Variants in GABRB3 observed in about 807,000 individuals in gnomAD.
GABRB3 encodes gamma-aminobutyric acid type A receptor subunit beta3.
Under a neutral mutation model 52.1 loss-of-function variants are expected in GABRB3, and 14 were observed. The ratio of observed to expected loss-of-function variants is 0.27; its 90% CI spans 0.18 to 0.42. The LOEUF (loss-of-function observed/expected upper bound fraction) is 0.42. Among genes scored for constraint, GABRB3 ranks in the 10% least tolerant of loss-of-function variants. GABRB3 has a pLI of 1.00. For missense variants in GABRB3, 307 were observed against 609.1 expected (o/e 0.50, Z 5.22); for synonymous variants, 260 against 232.3 (o/e 1.12, Z -1.08).
chr15:26,745,807 G>A (rs372180227), intron 3 of GABRB3, among the ~76,000 whole-genome samples: 8 of 152,204 alleles, frequency 5.3e-5, no homozygotes, highest in African/African-American at 1.9e-4. Context: ...TTCTGTTGCT[G>A]AATAGAATTC....
chr15:26,591,638 G>A (rs942726369), intron 4 of GABRB3, among the ~76,000 whole-genome samples: 1 of 152,148 alleles, frequency 6.6e-6, no homozygotes. Context: ...AAGTTCTTAA[G>A]GACTACACCG....
intron 3 of GABRB3, among the ~76,000 whole-genome samples, chr15:26,638,310 GTC>G (rs1893108786): frequency 6.6e-6 from 1 of 152,144 alleles, no homozygotes; most frequent in African/African-American, 2.4e-5. Context: ...TGTCTGCCCA[GTC>G]TCTGTGATAC....
chr15:26,662,769 A>T (rs142326501), intron 3 of GABRB3, among the ~76,000 whole-genome samples: 49 of 152,340 alleles, frequency 3.2e-4, no homozygotes, highest in Non-Finnish European at 6.8e-4. Context: ...AGGAAGACAC[A>T]GTCACATGAG....
In GABRB3 at chr15:26,649,658, C is replaced by CTGTGTGTGTGTGTGTGTGTG. The variant is rs57833685; in HGVS notation, c.241-28144_241-28125dup. Among the ~76,000 whole-genome samples, 366 of 130,164 alleles carry CTGTGTGTGTGTGTGTGTGTG rather than the reference C, an allele frequency of 2.8e-3. 3 individuals are homozygous for CTGTGTGTGTGTGTGTGTGTG. Among genetic ancestry groups the CTGTGTGTGTGTGTGTGTGTG allele is most frequent in the African/African-American group, 9.4e-3 (309 of 33,002 alleles). The allele number at this position is 130,164 out of a possible 152,430, so 85.4% of individuals were successfully genotyped here. A position where few individuals can be genotyped will look rare whatever the true frequency, so the allele number is the denominator to read the frequency against. On this transcript the variant is annotated intron_variant, in intron 3 of 8. Coordinates refer to ENST00000311550, the MANE Select transcript of GABRB3 (RefSeq NM_000814.6). ...AGAAGAAAGCAGGACAGAGCCAAGGCTGTGTGTGTGTGTGTGTGTGTGTGT... is the reference window on the plus strand; with the variant it reads ...AGAAGAAAGCAGGACAGAGCCAAGGCTGTGTGTGTGTGTGTGTGTGTGTGTGTGTGTGTGTGTGTGTGTGT...
intron 4 of GABRB3, chr15:26,612,424 T>C (rs894655035): frequency 5.3e-5 from 8 of 152,180 alleles, no homozygotes; most frequent in Non-Finnish European, 1.2e-4. Context: ...GGTAGTTATA[T>C]ACAAATTGAC....
At chr15:26,648,587 C>T (rs1033028752) in intron 3 of GABRB3, among the ~76,000 whole-genome samples, 9 of 152,236 alleles carry the variant, frequency 5.9e-5, no homozygotes, top group African/African-American at 1.7e-4. Flanking sequence ...AGTGAGGGAG[C>T]GGCAGGAGAA....
At chr15:26,715,146 G>A (rs1889428132) in intron 3 of GABRB3, among the ~76,000 whole-genome samples, 1 of 152,182 alleles carries the variant, frequency 6.6e-6, no homozygotes, top group Non-Finnish European at 1.5e-5. Context: ...AGGCAGGTGT[G>A]AGCAAGGAGA....
intron 4 of GABRB3, chr15:26,613,777 A>G (rs541102810): frequency 6.6e-6 from 1 of 152,302 alleles, no homozygotes; most frequent in East Asian, 1.9e-4. Context: ...TCAGCTCTGG[A>G]TAAGTGCTAT....
At chr15:26,654,753 C>A (rs1339927586) in intron 3 of GABRB3, among the ~76,000 whole-genome samples, 1 of 151,772 alleles carries the variant, frequency 6.6e-6, no homozygotes, top group Non-Finnish European at 1.5e-5. Context: ...ACAGTGAGAC[C>A]TTGTCTCAAA....
At chr15:26,745,417 C>T (rs1566827130) in intron 3 of GABRB3, among the ~76,000 whole-genome samples, 1 of 152,036 alleles carries the variant, frequency 6.6e-6, no homozygotes, top group Non-Finnish European at 1.5e-5. Context: ...ATATCAAAAC[C>T]AGGAAAGTGA....
At chr15:26,772,364 G>C in intron 3 of GABRB3, 38 bp downstream of exon 3, 5 of 1,560,684 alleles carry the variant, frequency 3.2e-6, no homozygotes, top group Non-Finnish European at 4.4e-6. Context: ...ACAGCGGGCC[G>C]GGGGCTCAGG....
intron 3 of GABRB3, among the ~76,000 whole-genome samples, chr15:26,626,652 C>G (rs1168630691): frequency 6.6e-6 from 1 of 152,184 alleles, no homozygotes; most frequent in Non-Finnish European, 1.5e-5. Context: ...TCCCTTAAGT[C>G]AAAGTTTAAT....
At chr15:26,741,209 C>A (rs1258993341) in intron 3 of GABRB3, among the ~76,000 whole-genome samples, 1 of 152,096 alleles carries the variant, frequency 6.6e-6, no homozygotes, top group Non-Finnish European at 1.5e-5. Context: ...GTGGAAAATG[C>A]AGAAGCCTTA....
chr15:26,758,115 C>A (rs1890712784), intron 3 of GABRB3, among the ~76,000 whole-genome samples: 1 of 149,666 alleles, frequency 6.7e-6, no homozygotes, highest in African/African-American at 2.5e-5. Flanking sequence ...AGAGGTGCAA[C>A]CTAGAAACAT....
At position 26,561,007 on chromosome 15, in the gene GABRB3, G is replaced by A. The variant is rs74907974; in HGVS notation, c.1005C>T (p.Gly335=). The change falls in exon 8 of 9, where the codon GGC becomes GGT. Residue 335 remains glycine (G), a synonymous_variant. Transcript: ENST00000311550. ...CTGCAAGCTTCTTCTGCCTTTGAGG[G>A]CCTCTTCCAAAGAAAATGTAGTTGA... ...AFVNYIFFGR[G]PQRQKKLAEK... is the part of the protein sequence containing the mutation. The A allele has an allele frequency of 2.5e-3, 3,977 of 1,614,124 alleles. 54 individuals carry two copies. The Middle Eastern group carries it at 0.027, about 11-fold the overall frequency.
chr15:26,643,261 G>C (rs1371215892), intron 3 of GABRB3, among the ~76,000 whole-genome samples: 1 of 152,150 alleles, frequency 6.6e-6, no homozygotes, highest in African/African-American at 2.4e-5. Context: ...CATCCTGGCG[G>C]CCAGGTGCCT....
rs142948305 is a variant in GABRB3 at position 26,593,880 on chromosome 15, T to C, written c.462-10466A>G. 4.6e-3 allele frequency among the ~76,000 whole-genome samples: 699 copies of C among 151,246 alleles called. 11 individuals are homozygous for C. Among genetic ancestry groups the C allele is most frequent in the East Asian group, 0.036 (179 of 5,006 alleles). On this transcript the variant is annotated intron_variant, in intron 4 of 8. Transcript: ENST00000311550. ...ACGTTTAAATTTTGAGGAACCACCA[T>C]ACTGCTTTCCACAGTGACTGAATCA...
Position 26,749,138 on chromosome 15 carries a change from T to C in GABRB3, c.240+23264A>G, listed in dbSNP as rs150805501. Among the ~76,000 whole-genome samples, 85 of 152,282 alleles carry C rather than the reference T, an allele frequency of 5.6e-4. 1 individual carries two copies. The highest frequency in any genetic ancestry group is 6.8e-3 in the Middle Eastern group (2 of 294). The stretch of plus-strand genomic sequence containing the variant: ...CTTAAATTTGAGAGTTTTTTTTTCT[T>C]TCTTTTTTTTAATCGTTCAGTGCTA... On this transcript the variant is annotated intron_variant, in intron 3 of 8. Transcript: ENST00000311550.
intron 3 of GABRB3, among the ~76,000 whole-genome samples, chr15:26,686,712 A>T (rs1888417752): frequency 6.6e-6 from 1 of 152,256 alleles, no homozygotes; most frequent in African/African-American, 2.4e-5. Context: ...AAGTGCTGAG[A>T]CAGCATGAGC....
Sources: allele counts gnomAD v4.1 joint callset (sites outside exome capture counted in the v4.1 genomes callset), GRCh38; gene constraint gnomAD v4.1.1; transcripts MANE v1.5; gene names NCBI Gene and HGNC (gene_info 2026-07-23, HGNC 2026-07-21).